The following HBB variants were observed in gnomAD, a reference collection of about 807,000 sequenced individuals.
HBB encodes the protein hemoglobin subunit beta, also known as Hb Monza protein.
A neutral mutation model predicts 9.7 loss-of-function variants in HBB; 18 were observed. The observed-to-expected ratio is 1.86, with a 90% CI of 1.28 to 2.76. The LOEUF (loss-of-function observed/expected upper bound fraction) is 2.76. Among genes scored for constraint, HBB ranks in the 30% most tolerant of loss-of-function variants. The pLI, the probability that HBB is intolerant of heterozygous loss-of-function variation, is 0.00. For synonymous variants in HBB, 99 were observed against 73.6 expected, an observed-to-expected ratio of 1.35 and a Z score of -1.77; for missense variants, 156 against 177.0, an observed-to-expected ratio of 0.88 and a Z score of 0.67.
intron 2 of HBB, 56 bp downstream of exon 2, chr11:5,226,521 G>T (rs1238888453): frequency 1.3e-6 from 2 of 1,509,738 alleles, no homozygotes; most frequent in African/African-American, 2.7e-5. Flanking sequence ...CCTATGACAT[G>T]AACTTAACCA....
chr11:5,226,448 C>T lies in HBB; in HGVS notation c.315+129G>A, dbSNP rs371659615. On this transcript the variant is annotated intron_variant, in intron 2 of 2. Transcript: ENST00000335295. ...AGAAACTAAAACGATCCTGAGACTT[C>T]CACACTGATGCAATCATTCGTCTGT... 5.9e-6 allele frequency: 5 copies of T among 841,614 alleles called. No homozygotes were observed. Among genetic ancestry groups the T allele is most frequent in the Middle Eastern group, 2.7e-4 (1 of 3,732 alleles). 52.1% of individuals were successfully genotyped at this position (841,614 alleles called of 1,614,324 possible).
Position 5,225,662 on chromosome 11 carries a change from A to G in HBB, c.380T>C (p.Val127Ala), listed in dbSNP as rs33925391. 7.4e-6 allele frequency: 12 copies of G among 1,613,952 alleles called. No individual in the cohort carries two copies. Among genetic ancestry groups the G allele is most frequent in the Middle Eastern group, 1.6e-4 (1 of 6,084 alleles). Residue 127 changes from valine (V) to alanine (A), a missense_variant, in exon 3 of 3, where the codon GTG (valine) becomes GCG (alanine). By Grantham distance (64) the Val-to-Ala change is moderately conservative (BLOSUM62 0). Transcript: ENST00000335295. ...CACCACTTTCTGATAGGCAGCCTGC[A>G]CTGGTGGGGTGAATTCTTTGCCAAA... ...HHFGKEFTPP[V>A]QAAYQKVVAG...
At position 5,226,999 on chromosome 11, in the gene HBB, T is replaced by C. The variant is rs34387455; in HGVS notation, c.23A>G (p.Glu8Gly). 2.5e-6 allele frequency: 4 copies of C among 1,612,294 alleles called. No homozygotes were observed. The Admixed American group carries it at 5.0e-5, about 20-fold the overall frequency. MVHLTPEEKSAVTALWGK... is the reference protein window; with the variant it reads MVHLTPEGKSAVTALWGK... Reference sequence around the variant, plus strand: ...CCACAGGGCAGTAACGGCAGACTTCTCCTCAGGAGTCAGATGCACCATGGT... The same window carrying C: ...CCACAGGGCAGTAACGGCAGACTTCCCCTCAGGAGTCAGATGCACCATGGT... The change falls in exon 1 of 3, where the codon GAG becomes GGG. Residue 8 changes from glutamate (E) to glycine (G), a missense_variant. Transcript: ENST00000335295.
chr11:5,226,737 G>A lies in HBB; in HGVS notation c.155C>T (p.Pro52Leu). ...CTTAGGGTTGCCCATAACAGCATCA[G>A]GAGTGGACAGATCCCCAAAGGACTC... is the stretch of plus-strand genomic sequence containing the variant. ...FFESFGDLST[P>L]DAVMGNPKVK... The change falls in exon 2 of 3, where the codon CCT becomes CTT. Residue 52 changes from proline (P) to leucine (L), a missense_variant. Coordinates refer to ENST00000335295, the MANE Select transcript of HBB (RefSeq NM_000518.5). 6.2e-7 allele frequency: 1 copy of A among 1,614,142 alleles called. No homozygotes were observed. Among genetic ancestry groups the A allele is most frequent in the Non-Finnish European group, 8.5e-7 (1 of 1,180,010 alleles).
At position 5,225,526 on chromosome 11, in the gene HBB, T is replaced by A; in HGVS notation, c.*72A>T. 1 of 1,432,234 alleles carries A rather than the reference T, an allele frequency of 7.0e-7. No homozygotes were observed. The highest frequency in any genetic ancestry group is 9.9e-7 in the Non-Finnish European group (1 of 1,013,960). 88.7% of individuals were successfully genotyped at this position (1,432,234 alleles called of 1,614,324 possible). A position where few individuals can be genotyped will look rare whatever the true frequency, so the allele number is the denominator to read the frequency against. ...CAGATGCTCAAGGCCCTTCATAATA[T>A]CCCCCAGTTTAGTAGTTGGACTTAG... On this transcript the variant is annotated 3_prime_UTR_variant, in exon 3 of 3. Transcript: ENST00000335295.
chr11:5,226,441 G>T, intron 2 of HBB, 136 bp downstream of exon 2: 1 of 795,042 alleles, frequency 1.3e-6, no homozygotes, highest in Non-Finnish European at 2.1e-6. Flanking sequence ...AAACGATCCT[G>T]AGACTTCCAC....
Position 5,225,526 on chromosome 11 carries a change from T to C in HBB, c.*72A>G. ...CAGATGCTCAAGGCCCTTCATAATATCCCCCAGTTTAGTAGTTGGACTTAG... is the reference window on the plus strand; with the variant it reads ...CAGATGCTCAAGGCCCTTCATAATACCCCCCAGTTTAGTAGTTGGACTTAG... On this transcript the variant is annotated 3_prime_UTR_variant, in exon 3 of 3. Transcript: ENST00000335295. 7.0e-7 allele frequency: 1 copy of C among 1,432,234 alleles called. No homozygotes were observed. The highest frequency in any genetic ancestry group is 9.9e-7 in the Non-Finnish European group (1 of 1,013,960). 88.7% of individuals were successfully genotyped at this position (1,432,234 alleles called of 1,614,324 possible). A position where few individuals can be genotyped will look rare whatever the true frequency, so the allele number is the denominator to read the frequency against.
At position 5,226,629 on chromosome 11, in the gene HBB, G is replaced by A. The variant is rs33993568; in HGVS notation, c.263C>T (p.Thr88Ile). 1.9e-5 allele frequency: 31 copies of A among 1,614,122 alleles called. No individual in the cohort carries two copies. The highest frequency in any genetic ancestry group is 2.5e-5 in the Non-Finnish European group (30 of 1,180,016). Residue 88 changes from threonine (T) to isoleucine (I), a missense_variant, in exon 2 of 3, where the codon ACA becomes ATA. By Grantham distance (89) the Thr-to-Ile change is moderately conservative. Transcript: ENST00000335295. ...CTTGTCACAGTGCAGCTCACTCAGT[G>A]TGGCAAAGGTGCCCTTGAGGTTGTC... The part of the protein sequence containing the change: ...HLDNLKGTFA[T>I]LSELHCDKLH...
chr11:5,226,658 G>A lies in HBB; in HGVS notation c.234C>T (p.His78=), dbSNP rs33918483. 3 of 1,614,112 alleles carry A rather than the reference G, an allele frequency of 1.9e-6. No individual in the cohort carries two copies. The highest frequency in any genetic ancestry group is 2.5e-6 in the Non-Finnish European group (3 of 1,180,028). ...CAAAGGTGCCCTTGAGGTTGTCCAG[G>A]TGAGCCAGGCCATCACTAAAGGCAC... ...VLGAFSDGLA[H]LDNLKGTFAT... is the part of the protein sequence containing the mutation. The change falls in exon 2 of 3, where the codon CAC becomes CAT. Residue 78 remains histidine (H), a synonymous_variant. Coordinates refer to ENST00000335295, the MANE Select transcript of HBB (RefSeq NM_000518.5).
rs773687221 is a variant in HBB, at chr11:5,226,823, T to C, written c.93-24A>G. The C allele has an allele frequency of 3.1e-6, 5 of 1,608,448 alleles. No individual in the cohort carries two copies. The Admixed American group carries it at 5.0e-5, about 16-fold the overall frequency. ...GCCTAAGGGTGGGAAAATAGACCAA[T>C]AGGCAGAGAGAGTCAGTGCCTATCA... On this transcript the variant is annotated intron_variant, in intron 1 of 2. Transcript: ENST00000335295.
At chr11:5,226,434 CGATCCTG>C in intron 2 of HBB, 136 bp downstream of exon 2, 1 of 759,850 alleles carries the variant, frequency 1.3e-6, no homozygotes, top group Non-Finnish European at 2.2e-6. Context: ...GAAACTAAAA[CGATCCTG>C]AGACTTCCAC....
In HBB at chr11:5,226,323, A is replaced by G. The variant is rs1418885009; in HGVS notation, c.315+254T>C. ...GAGATATTTCCTTTTGTTATACACAATGTTAAGGCATTAAGTATAATAGTA... is the reference window on the plus strand; with the variant it reads ...GAGATATTTCCTTTTGTTATACACAGTGTTAAGGCATTAAGTATAATAGTA... On this transcript the variant is annotated intron_variant, in intron 2 of 2. Coordinates refer to ENST00000335295, the MANE Select transcript of HBB (RefSeq NM_000518.5). 8 of 597,390 alleles carry G rather than the reference A, an allele frequency of 1.3e-5. No homozygotes were observed. In the Admixed American group the frequency reaches 2.4e-4, roughly 18 times the overall value. The allele number at this position is 597,390 out of a possible 1,614,324, so 37.0% of individuals were successfully genotyped here. A position where few individuals can be genotyped will look rare whatever the true frequency, so the allele number is the denominator to read the frequency against.
intron 2 of HBB, 76 bp from the exon 3 acceptor site, chr11:5,225,802 T>A: frequency 6.7e-7 from 1 of 1,489,192 alleles, no homozygotes. Flanking sequence ...TCCAGCCTTA[T>A]CCCAACCATA....
Position 5,225,677 on chromosome 11 carries a change from T to A in HBB, c.365A>T (p.Glu122Val), listed in dbSNP as rs33987957. Residue 122 changes from glutamate to valine, a missense_variant, in exon 3 of 3, where the codon GAA (glutamate) becomes GTA (valine). Physicochemically the swap from Glu to Val is moderately radical, Grantham distance 121. Coordinates refer to ENST00000335295, the MANE Select transcript of HBB (RefSeq NM_000518.5). ...GGCAGCCTGCACTGGTGGGGTGAAT[T>A]CTTTGCCAAAGTGATGGGCCAGCAC... is the stretch of plus-strand genomic sequence containing the variant. ...VCVLAHHFGK[E>V]FTPPVQAAYQ... 6.2e-7 allele frequency: 1 copy of A among 1,614,092 alleles called. No individual in the cohort carries two copies. Among genetic ancestry groups the A allele is most frequent in the Non-Finnish European group, 8.5e-7 (1 of 1,179,974 alleles).
At chr11:5,226,013 T>G (rs554914198) in intron 2 of HBB, among the ~76,000 whole-genome samples, 1 of 152,196 alleles carries the variant, frequency 6.6e-6, no homozygotes, top group East Asian at 1.9e-4. Context: ...AGAAAGAGAT[T>G]AGGGAAAGTA....
chr11:5,226,935 C>A lies in HBB; in HGVS notation c.87G>T (p.Leu29=), dbSNP rs1191121382. ...CTTGTAACCTTGATACCAACCTGCC[C>A]AGGGCCTCACCACCAACTTCATCCA... is the stretch of plus-strand genomic sequence containing the variant. ...VNVDEVGGEA[L]GRLLVVYPWT... Residue 29 remains leucine, a synonymous_variant, in exon 1 of 3, where the codon CTG becomes CTT. Transcript: ENST00000335295. 9 of 1,613,246 alleles carry A rather than the reference C, an allele frequency of 5.6e-6. No individual in the cohort carries two copies. The highest frequency in any genetic ancestry group is 7.6e-6 in the Non-Finnish European group (9 of 1,179,290).
In HBB at chr11:5,226,010, G is replaced by T. The variant is rs1373924860; in HGVS notation, c.316-284C>A. On this transcript the variant is annotated intron_variant, in intron 2 of 2. Coordinates refer to ENST00000335295, the MANE Select transcript of HBB (RefSeq NM_000518.5). ...TATCATTATTGCCCTGAAAGAAAGA[G>T]ATTAGGGAAAGTATTAGAAATAAGA... Among the ~76,000 whole-genome samples the T allele has an allele frequency of 2.6e-5, 4 of 152,004 alleles. No homozygotes were observed. The highest frequency in any genetic ancestry group is 5.9e-5 in the Non-Finnish European group (4 of 67,992).
Position 5,226,826 on chromosome 11 carries a change from G to A in HBB, c.93-27C>T, listed in dbSNP as rs376272324. 5 of 1,605,598 alleles carry A rather than the reference G, an allele frequency of 3.1e-6. No homozygotes were observed. The African/African-American group carries it at 6.7e-5, about 21-fold the overall frequency. On this transcript the variant is annotated intron_variant, in intron 1 of 2. Transcript: ENST00000335295. ...TAAGGGTGGGAAAATAGACCAATAG[G>A]CAGAGAGAGTCAGTGCCTATCAGAA...
chr11:5,227,014 T>C lies in HBB; in HGVS notation c.8A>G (p.His3Arg), dbSNP rs33983205. 3 of 1,597,836 alleles carry C rather than the reference T, an allele frequency of 1.9e-6. No individual in the cohort carries two copies. Among genetic ancestry groups the C allele is most frequent in the Non-Finnish European group, 2.6e-6 (3 of 1,165,062 alleles). The change falls in exon 1 of 3, where the codon CAT (histidine) becomes CGT (arginine). Residue 3 changes from histidine (H) to arginine (R), a missense_variant. Coordinates refer to ENST00000335295, the MANE Select transcript of HBB (RefSeq NM_000518.5). ...GGCAGACTTCTCCTCAGGAGTCAGA[T>C]GCACCATGGTGTCTGTTTGAGGTTG... is the stretch of plus-strand genomic sequence containing the variant. MVHLTPEEKSAVT... is the reference protein window; with the variant it reads MVRLTPEEKSAVT...
Sources: gnomAD v4.1 joint callset for allele counts (sites outside exome capture counted in the v4.1 genomes callset) on GRCh38, gnomAD v4.1.1 for gene constraint, MANE v1.5 for transcripts, NCBI Gene and HGNC (gene_info 2026-07-23, HGNC 2026-07-21) for gene names.